MAP2K3: variants seen among roughly 807,000 people sequenced by gnomAD.
MAP2K3 encodes the protein mitogen-activated protein kinase kinase 3.
A neutral mutation model predicts 46.4 loss-of-function variants in MAP2K3; 30 were observed. The observed-to-expected ratio is 0.65, with a 90% confidence interval of 0.48 to 0.88. The LOEUF (loss-of-function observed/expected upper bound fraction) is 0.88, where lower values mean the gene tolerates loss of function less well. MAP2K3 is among the 40% of genes least tolerant of loss of function. MAP2K3 has a pLI of 0.00. For missense variants in MAP2K3, 380 were observed against 464.5 expected, an observed-to-expected ratio of 0.82 and a Z score of 1.67; for synonymous variants, 189 against 176.3, an observed-to-expected ratio of 1.07 and a Z score of -0.57.
intron 9 of MAP2K3, among the ~76,000 whole-genome samples, chr17:21,310,036 G>A (rs1045376039): frequency 7.3e-6 from 1 of 137,454 alleles, no homozygotes; most frequent in Non-Finnish European, 1.6e-5. Context: ...ATGTAGTTTT[G>A]CTCTTGGTGC....
intron 1 of MAP2K3, among the ~76,000 whole-genome samples, chr17:21,298,038 C>T (rs1478687713): frequency 2.0e-5 from 3 of 152,310 alleles, no homozygotes; most frequent in African/African-American, 7.2e-5. Flanking sequence ...GCTGCAGGTG[C>T]TGGCTGGACC....
intron 1 of MAP2K3, chr17:21,296,312 C>T (rs980065841): frequency 1.1e-4 from 80 of 695,908 alleles, no homozygotes; most frequent in African/African-American, 8.0e-4. Context: ...ACCACGGCTG[C>T]GCCACTCCAA....
At chr17:21,302,113 G>T (rs1337037694) in intron 5 of MAP2K3, 30 bp from the exon 6 acceptor site, 2 of 1,612,396 alleles carry the variant, frequency 1.2e-6, no homozygotes, top group East Asian at 2.2e-5. Context: ...CAGCCCGGCA[G>T]CCTGGCTGAG....
chr17:21,286,650 G>T (rs1975731214), intron 1 of MAP2K3, among the ~76,000 whole-genome samples: 1 of 152,226 alleles, frequency 6.6e-6, no homozygotes, highest in Non-Finnish European at 1.5e-5. Flanking sequence ...GGGAAGGGTA[G>T]GAAGCACTGT....
intron 1 of MAP2K3, among the ~76,000 whole-genome samples, chr17:21,292,978 C>A (rs1337873247): frequency 2.0e-5 from 3 of 152,312 alleles, no homozygotes; most frequent in Non-Finnish European, 4.4e-5. Context: ...TTAGTACCTG[C>A]CTCAAGGGGT....
Position 21,298,491 on chromosome 17 carries a change from T to C in MAP2K3, c.116+12T>C. Reference sequence around the variant, plus strand: ...GCACCCAACCCCACGTGAGTCTGCCTCAGTTTCTCCCTGGCTCACCCTGGA... The same window carrying C: ...GCACCCAACCCCACGTGAGTCTGCCCCAGTTTCTCCCTGGCTCACCCTGGA... On this transcript the variant is annotated intron_variant, in intron 2 of 11. Transcript: ENST00000342679. 6.2e-7 allele frequency: 1 copy of C among 1,614,312 alleles called. No homozygotes were observed. The highest frequency in any genetic ancestry group is 1.1e-5 in the South Asian group (1 of 91,092).
chr17:21,298,527 G>A (rs557140394), intron 2 of MAP2K3, 48 bp downstream of exon 2: 105 of 1,614,056 alleles, frequency 6.5e-5, no homozygotes, highest in Middle Eastern at 3.3e-4. Context: ...GAGGCTTCCC[G>A]AACAGGGCTC....
intron 1 of MAP2K3, chr17:21,295,822 A>G (rs1976213946): frequency 7.8e-7 from 1 of 1,289,662 alleles, no homozygotes; most frequent in Non-Finnish European, 1.0e-6. Flanking sequence ...AACATTCCCA[A>G]ATCCCAAGGC....
rs1976551316 is a variant in MAP2K3, at chr17:21,300,783, C to A, written c.280-91C>A. On this transcript the variant is annotated intron_variant, in intron 4 of 11. Coordinates refer to ENST00000342679, the MANE Select transcript of MAP2K3 (RefSeq NM_145109.3). ...GCTAGGCTTTTTGGGGCACACTGGG[C>A]AGTGGCCCCCTGAGCTCCTGGCCCT... is the stretch of plus-strand genomic sequence containing the variant. 5 of 1,610,052 alleles carry A rather than the reference C, an allele frequency of 3.1e-6. No individual in the cohort carries two copies. In the Admixed American group the frequency reaches 6.7e-5, roughly 22 times the overall value.
chr17:21,285,515 C>T (rs1975699050), intron 1 of MAP2K3, among the ~76,000 whole-genome samples: 1 of 152,156 alleles, frequency 6.6e-6, no homozygotes. Context: ...CAGCTCGGAA[C>T]TCCCCGTCCT....
chr17:21,294,950 C>A (rs1976155549), intron 1 of MAP2K3, among the ~76,000 whole-genome samples: 1 of 152,310 alleles, frequency 6.6e-6, no homozygotes, highest in Non-Finnish European at 1.5e-5. Context: ...GACCTGCTGA[C>A]TGGCTCTCTG....
rs1428981984 is a variant in MAP2K3 at position 21,295,679 on chromosome 17, G to A, written c.50-2734G>A. The A allele has an allele frequency of 7.0e-6, 9 of 1,289,508 alleles. No individual in the cohort carries two copies. In the East Asian group the frequency reaches 2.2e-4, roughly 32 times the overall value. The allele number at this position is 1,289,508 out of a possible 1,614,324, so 79.9% of individuals were successfully genotyped here. ...CAGGCTTGGTGTCCCCAACAGGCCG[G>A]TGGATGCAGAGGCCAGTCCATATAC... On this transcript the variant is annotated intron_variant, in intron 1 of 11. Coordinates refer to ENST00000342679, the MANE Select transcript of MAP2K3 (RefSeq NM_145109.3).
At chr17:21,298,239 G>A (rs1218708766) in intron 1 of MAP2K3, 174 bp from the exon 2 acceptor site, 74 of 921,492 alleles carry the variant, frequency 8.0e-5, no homozygotes, top group Non-Finnish European at 1.2e-4. Context: ...CAGGGCTGGT[G>A]GGCCTCCTTC....
At position 21,302,135 on chromosome 17, in the gene MAP2K3, A is replaced by C; in HGVS notation, c.400-8A>C. On this transcript the variant is annotated splice_region_variant and splice_polypyrimidine_tract_variant and intron_variant, in intron 5 of 11. Coordinates refer to ENST00000342679, the MANE Select transcript of MAP2K3 (RefSeq NM_145109.3). Reference sequence around the variant, plus strand: ...GCAGCCTGGCTGAGCTCTGGGTGTCACCCACAGGGAGACGTGTGGATCTGC... The same window carrying C: ...GCAGCCTGGCTGAGCTCTGGGTGTCCCCCACAGGGAGACGTGTGGATCTGC... 6.2e-7 allele frequency: 1 copy of C among 1,614,078 alleles called. No homozygotes were observed. The highest frequency in any genetic ancestry group is 1.7e-5 in the Admixed American group (1 of 60,024).
intron 9 of MAP2K3, among the ~76,000 whole-genome samples, chr17:21,310,461 G>A (rs1977110739): frequency 3.3e-5 from 5 of 152,124 alleles, no homozygotes; most frequent in African/African-American, 4.8e-5. Context: ...CATCCTGGGG[G>A]AGCGACTGAT....
At chr17:21,291,502 G>A (rs1377858780) in intron 1 of MAP2K3, 2 of 456,374 alleles carry the variant, frequency 4.4e-6, no homozygotes, top group Non-Finnish European at 8.8e-6. Context: ...CTCGAGCCGG[G>A]CCCACGTGGG....
intron 1 of MAP2K3, among the ~76,000 whole-genome samples, chr17:21,292,325 G>C (rs992504240): frequency 9.8e-5 from 15 of 152,308 alleles, no homozygotes; most frequent in Non-Finnish European, 1.6e-4. Flanking sequence ...GGACAAAAAG[G>C]CAGTCTCTTG....
At chr17:21,305,477 A>G (rs1976846848) in intron 9 of MAP2K3, among the ~76,000 whole-genome samples, 1 of 152,292 alleles carries the variant, frequency 6.6e-6, no homozygotes, top group Admixed American at 6.5e-5. Context: ...CTTTTCAAAA[A>G]TATTTCATAG....
At chr17:21,295,464 CCT>C (rs562229824) in intron 1 of MAP2K3, among the ~76,000 whole-genome samples, 470 of 152,206 alleles carry the variant, frequency 3.1e-3, no homozygotes, top group African/African-American at 0.011. Flanking sequence ...CCGCCGAGAG[CCT>C]CTGTTTGTTG....
Sources: gnomAD v4.1 joint callset for allele counts (sites outside exome capture counted in the v4.1 genomes callset) on GRCh38, gnomAD v4.1.1 for gene constraint, MANE v1.5 for transcripts, NCBI Gene and HGNC (gene_info 2026-07-23, HGNC 2026-07-21) for gene names.